Variants in SGCZ observed in about 807,000 individuals in gnomAD.
SGCZ encodes the protein zeta-sarcoglycan.
A neutral mutation model predicts 41.3 loss-of-function variants in SGCZ; 40 were observed. That is an observed-to-expected ratio of 0.97 (90% CI 0.75 to 1.26). The LOEUF (loss-of-function observed/expected upper bound fraction) is 1.26, where lower values mean the gene tolerates loss of function less well. Among genes scored for constraint, SGCZ ranks in the 50% most tolerant of loss-of-function variants. The pLI is 0.00. For synonymous variants in SGCZ, 206 were observed against 137.5 expected (o/e 1.50, Z -3.49); for missense variants, 552 against 369.8 (o/e 1.49, Z -4.04).
At chr8:14,778,208 AG>A (rs1194448244) in intron 1 of SGCZ, among the ~76,000 whole-genome samples, 2 of 152,170 alleles carry the variant, frequency 1.3e-5, no homozygotes, top group Non-Finnish European at 2.9e-5. Flanking sequence ...TACAGGCATG[AG>A]CCAGCTAAAA....
At chr8:15,108,127 A>AT (rs1255646354) in intron 1 of SGCZ, among the ~76,000 whole-genome samples, 3 of 152,106 alleles carry the variant, frequency 2.0e-5, no homozygotes, top group Admixed American at 6.6e-5. Context: ...ATTCACTATT[A>AT]TTTTTATCTT....
chr8:14,186,253 G>T (rs1804898306), intron 4 of SGCZ, among the ~76,000 whole-genome samples: 1 of 152,216 alleles, frequency 6.6e-6, no homozygotes, highest in South Asian at 2.1e-4. Flanking sequence ...TAAAGGACAT[G>T]CAGCAAGTGA....
chr8:14,495,238 T>A (rs1455021073), intron 2 of SGCZ, among the ~76,000 whole-genome samples: 1 of 152,170 alleles, frequency 6.6e-6, no homozygotes, highest in Non-Finnish European at 1.5e-5. Context: ...CCTGAAAAGC[T>A]GGAGTGTTAA....
intron 2 of SGCZ, among the ~76,000 whole-genome samples, chr8:14,463,640 C>T (rs1800965629): frequency 6.6e-6 from 1 of 151,560 alleles, no homozygotes; most frequent in Non-Finnish European, 1.5e-5. Context: ...CACAGACAAA[C>T]TGTATTTTGT....
chr8:14,631,221 A>T (rs1031583229), intron 1 of SGCZ, among the ~76,000 whole-genome samples: 1 of 152,040 alleles, frequency 6.6e-6, no homozygotes, highest in African/African-American at 2.4e-5. Context: ...GAACCGATCA[A>T]ACATGAAATG....
intron 1 of SGCZ, among the ~76,000 whole-genome samples, chr8:14,756,266 A>C (rs186240448): frequency 6.6e-6 from 1 of 151,608 alleles, no homozygotes; most frequent in Admixed American, 6.6e-5. Flanking sequence ...GCTCACCACA[A>C]TCTCCGCCTC....
At chr8:14,703,693 T>C (rs1203873244) in intron 1 of SGCZ, among the ~76,000 whole-genome samples, 2 of 152,086 alleles carry the variant, frequency 1.3e-5, no homozygotes, top group East Asian at 3.9e-4. Context: ...AAACCAGTGT[T>C]TCCGGAAATA....
intron 1 of SGCZ, among the ~76,000 whole-genome samples, chr8:14,726,283 C>T (rs1232528314): frequency 7.2e-5 from 9 of 125,754 alleles, no homozygotes; most frequent in African/African-American, 1.7e-4. Flanking sequence ...AAAAATCATA[C>T]GCGTGTGTGT....
chr8:15,113,724 C>T (rs183899205), intron 1 of SGCZ, among the ~76,000 whole-genome samples: 15 of 152,308 alleles, frequency 9.8e-5, no homozygotes. Context: ...CAAAGGCTCC[C>T]ACCAGCTCGT....
At chr8:14,510,503 C>T (rs1038543808) in intron 2 of SGCZ, among the ~76,000 whole-genome samples, 1 of 151,812 alleles carries the variant, frequency 6.6e-6, no homozygotes, top group African/African-American at 2.4e-5. Context: ...TTTTGATAAC[C>T]TTGATGATCT....
chr8:14,557,437 T>C (rs547677636), intron 1 of SGCZ, among the ~76,000 whole-genome samples: 76 of 152,168 alleles, frequency 5.0e-4, no homozygotes, highest in Non-Finnish European at 8.8e-4. Flanking sequence ...ATTTAAGTCC[T>C]AGCTATTTAT....
At chr8:14,594,216 AT>A (rs1805334029) in intron 1 of SGCZ, among the ~76,000 whole-genome samples, 17 of 150,552 alleles carry the variant, frequency 1.1e-4, no homozygotes, top group Admixed American at 1.1e-3. Context: ...AAATAAATAA[AT>A]AAATAAATAA....
chr8:14,140,457 G>A (rs1377604955), intron 5 of SGCZ, among the ~76,000 whole-genome samples: 2 of 152,236 alleles, frequency 1.3e-5, no homozygotes, highest in Admixed American at 6.5e-5. Context: ...AAGCTGATAA[G>A]CAACTTCAGC....
intron 2 of SGCZ, among the ~76,000 whole-genome samples, chr8:14,504,759 G>A (rs1802256421): frequency 6.6e-6 from 1 of 152,016 alleles, no homozygotes; most frequent in African/African-American, 2.4e-5. Context: ...GCTTTCTTCT[G>A]GAAGAGGTCC....
At chr8:14,245,411 C>G (rs539461778) in intron 3 of SGCZ, among the ~76,000 whole-genome samples, 4 of 152,200 alleles carry the variant, frequency 2.6e-5, no homozygotes, top group East Asian at 3.9e-4. Flanking sequence ...GCTGAAACTG[C>G]ATCCCTTCCT....
intron 1 of SGCZ, among the ~76,000 whole-genome samples, chr8:14,985,985 T>G (rs1801814152): frequency 6.6e-6 from 1 of 152,172 alleles, no homozygotes; most frequent in Non-Finnish European, 1.5e-5. Context: ...GTTATTGAAT[T>G]AGTAACCACT....
At chr8:14,358,363 C>A (rs1803370757) in intron 2 of SGCZ, among the ~76,000 whole-genome samples, 1 of 152,036 alleles carries the variant, frequency 6.6e-6, no homozygotes, top group South Asian at 2.1e-4. Context: ...AAGGATACAA[C>A]CTATGTCATC....
intron 4 of SGCZ, among the ~76,000 whole-genome samples, chr8:14,174,597 A>G (rs1318509182): frequency 6.6e-6 from 1 of 152,172 alleles, no homozygotes; most frequent in African/African-American, 2.4e-5. Context: ...GTGAATATGC[A>G]GAACACCAAA....
intron 1 of SGCZ, among the ~76,000 whole-genome samples, chr8:14,995,067 T>C (rs1585449906): frequency 6.6e-6 from 1 of 152,250 alleles, no homozygotes; most frequent in African/African-American, 2.4e-5. Flanking sequence ...GGACATACTG[T>C]TTGAAGTCCA....
Sources: allele counts gnomAD v4.1 joint callset (sites outside exome capture counted in the v4.1 genomes callset), GRCh38; gene constraint gnomAD v4.1.1; transcripts MANE v1.5; gene names NCBI Gene and HGNC (gene_info 2026-07-23, HGNC 2026-07-21).